Variants in SOCS5 observed in about 807,000 individuals in gnomAD.
The protein encoded by SOCS5 is suppressor of cytokine signaling 5.
Under a neutral mutation model 42.8 loss-of-function variants are expected in SOCS5, and 32 were observed. That is an observed-to-expected ratio of 0.75 (90% confidence interval 0.56 to 1.01). SOCS5 has a LOEUF of 1.01. SOCS5 is among the 50% of genes least tolerant of loss of function. The pLI is 0.00. For missense variants in SOCS5, 627 were observed against 653.0 expected (o/e 0.96, Z 0.43); for synonymous variants, 283 against 229.6 (o/e 1.23, Z -2.10).
intron 1 of SOCS5, among the ~76,000 whole-genome samples, chr2:46,710,405 A>G (rs535657291): frequency 7.3e-4 from 111 of 152,312 alleles, no homozygotes; most frequent in Admixed American, 1.5e-3. Flanking sequence ...TCAGCCTCCC[A>G]AAGTGTTGGG....
chr2:46,752,182 T>C (rs1044758819), intron 1 of SOCS5, among the ~76,000 whole-genome samples: 1 of 150,758 alleles, frequency 6.6e-6, no homozygotes, highest in Non-Finnish European at 1.5e-5. Context: ...TTTTTTTTTT[T>C]CGGCGAGTAT....
intron 1 of SOCS5, among the ~76,000 whole-genome samples, chr2:46,738,472 A>G (rs866380003): frequency 1.3e-5 from 2 of 152,222 alleles, no homozygotes; most frequent in Admixed American, 6.5e-5. Context: ...AATCCTGGTA[A>G]ATAACATTTC....
At chr2:46,744,827 T>C (rs6727934) in intron 1 of SOCS5, among the ~76,000 whole-genome samples, 111,196 of 151,290 alleles carry the variant, frequency 0.73, 41,777 homozygotes, top group African/African-American at 0.88. Context: ...CGCGCCCGGC[T>C]GTAATCGAGA....
chr2:46,726,464 A>G (rs150120169), intron 1 of SOCS5, among the ~76,000 whole-genome samples: 2,214 of 152,234 alleles, frequency 0.015, 32 homozygotes, highest in Non-Finnish European at 0.019. Context: ...ATCTTTTACT[A>G]ACTTTGTTAA....
At chr2:46,730,528 A>G (rs1334363542) in intron 1 of SOCS5, among the ~76,000 whole-genome samples, 1 of 152,160 alleles carries the variant, frequency 6.6e-6, no homozygotes, top group Non-Finnish European at 1.5e-5. Flanking sequence ...TGAACTCAGG[A>G]GGCGGAGGTT....
rs1438600537 is a variant in SOCS5 at position 46,760,087 on chromosome 2, T to C, written c.1557T>C (p.Tyr519=). The C allele has an allele frequency of 1.4e-5, 22 of 1,613,918 alleles. No homozygotes were observed. Among genetic ancestry groups the C allele is most frequent in the Non-Finnish European group, 1.9e-5 (22 of 1,179,932 alleles). The change falls in exon 2 of 2, where the codon TAT becomes TAC. Residue 519 remains tyrosine, a synonymous_variant. Transcript: ENST00000394861. The part of the protein sequence containing the change: ...MLQDFLKEYH[Y]KQKVRVRWLE... ...AGGATTTTTTAAAAGAGTATCATTA[T>C]AAACAAAAAGTTAGAGTTCGCTGGT...
At chr2:46,701,699 T>C (rs1246417656) in intron 1 of SOCS5, among the ~76,000 whole-genome samples, 2 of 151,202 alleles carry the variant, frequency 1.3e-5, no homozygotes, top group Admixed American at 6.6e-5. Context: ...TAAAACAATA[T>C]GCTGCATTGT....
chr2:46,731,536 G>A (rs1257686770), intron 1 of SOCS5, among the ~76,000 whole-genome samples: 2 of 152,212 alleles, frequency 1.3e-5, no homozygotes, highest in Non-Finnish European at 2.9e-5. Context: ...GAAATAAACA[G>A]GAAAGGACTT....
chr2:46,737,484 T>G (rs1286604572), intron 1 of SOCS5, among the ~76,000 whole-genome samples: 1 of 152,202 alleles, frequency 6.6e-6, no homozygotes, highest in Non-Finnish European at 1.5e-5. Flanking sequence ...TGATAACTGA[T>G]TATTATTAGT....
intron 1 of SOCS5, among the ~76,000 whole-genome samples, chr2:46,742,034 C>T (rs1293850059): frequency 3.9e-5 from 6 of 152,132 alleles, no homozygotes; most frequent in Non-Finnish European, 8.8e-5. Context: ...TTTCTCAATA[C>T]CCATGCTAGA....
intron 1 of SOCS5, among the ~76,000 whole-genome samples, chr2:46,737,247 A>C (rs1673274803): frequency 6.6e-6 from 1 of 152,212 alleles, no homozygotes; most frequent in South Asian, 2.1e-4. Context: ...GAGTCTCTTA[A>C]TTATTTGGTG....
At chr2:46,729,776 A>C (rs1673074530) in intron 1 of SOCS5, among the ~76,000 whole-genome samples, 1 of 152,190 alleles carries the variant, frequency 6.6e-6, no homozygotes, top group Non-Finnish European at 1.5e-5. Context: ...AAATTTACTT[A>C]AAAATCTCTT....
rs1481853944 is a variant in SOCS5 at position 46,699,489 on chromosome 2, C to T, written c.-13+40C>T. On this transcript the variant is annotated intron_variant, in intron 1 of 1. Transcript: ENST00000394861. This position sits in a 1 kb window ranked among gnomAD's most constrained non-coding sequence, Gnocchi z 4.8. Reference sequence around the variant, plus strand: ...GGTCGCGCCCGGCCCGCCGCCTGCTCCCCGGCCCCCGCGCCGTCGTCCGCG... The same window carrying T: ...GGTCGCGCCCGGCCCGCCGCCTGCTTCCCGGCCCCCGCGCCGTCGTCCGCG... The T allele has an allele frequency of 2.6e-5, 4 of 151,760 alleles. No individual in the cohort carries two copies. The highest frequency in any genetic ancestry group is 5.9e-5 in the Non-Finnish European group (4 of 67,768). 9.4% of individuals were successfully genotyped at this position (151,760 alleles called of 1,614,324 possible). A position where few individuals can be genotyped will look rare whatever the true frequency, so the allele number is the denominator to read the frequency against.
chr2:46,757,222 G>A (rs1241651202), intron 1 of SOCS5, among the ~76,000 whole-genome samples: 5 of 152,046 alleles, frequency 3.3e-5, no homozygotes, highest in Admixed American at 1.3e-4. Flanking sequence ...AAATATAAGC[G>A]TTTATGACAA....
intron 1 of SOCS5, among the ~76,000 whole-genome samples, chr2:46,755,670 A>T (rs1673716604): frequency 6.6e-6 from 1 of 152,234 alleles, no homozygotes; most frequent in East Asian, 1.9e-4. Flanking sequence ...TGCAATTGAA[A>T]TTTAACGCTT....
intron 1 of SOCS5, among the ~76,000 whole-genome samples, chr2:46,743,054 A>T (rs1673413405): frequency 6.6e-6 from 1 of 152,150 alleles, no homozygotes; most frequent in African/African-American, 2.4e-5. Context: ...GAGATTACTC[A>T]ATTTTAGGCC....
intron 1 of SOCS5, among the ~76,000 whole-genome samples, chr2:46,704,639 G>A (rs1263677185): frequency 6.6e-6 from 1 of 152,156 alleles, no homozygotes; most frequent in African/African-American, 2.4e-5. Context: ...GCTCAACACA[G>A]GTCTTGTAAG....
At position 46,704,357 on chromosome 2, in the gene SOCS5, A is replaced by G. The variant is rs7572275; in HGVS notation, c.-13+4908A>G. ...GGGTGGAAGCTTATTTAAATAATAG[A>G]TATAGGGAAAATGGAACAATGAGAA... On this transcript the variant is annotated intron_variant, in intron 1 of 1. Transcript: ENST00000394861. 1.9e-3 allele frequency among the ~76,000 whole-genome samples: 291 copies of G among 152,322 alleles called. 1 individual carries two copies. The highest frequency in any genetic ancestry group is 6.8e-3 in the African/African-American group (283 of 41,560).
chr2:46,759,045 T>C lies in SOCS5; in HGVS notation c.515T>C (p.Val172Ala), dbSNP rs1276097159. ...ATGGACAGTGTTTCCAGCAGAACTG[T>C]AGGAAGTCGCTCTCTAAGACAGAGG... ...HDMDSVSSRTVGSRSLRQRLQ... is the reference protein window; with the variant it reads ...HDMDSVSSRTAGSRSLRQRLQ... The change falls in exon 2 of 2, where the codon GTA becomes GCA. Residue 172 changes from valine (V) to alanine (A), a missense_variant. Physicochemically the swap from Val to Ala is moderately conservative, Grantham distance 64. Around this residue, in one of 3 missense-constraint regions of SOCS5, gnomAD observed 278 missense variants for 246.3 expected, o/e 1.13. Transcript: ENST00000394861. 1 of 1,613,964 alleles carries C rather than the reference T, an allele frequency of 6.2e-7. No individual in the cohort carries two copies. The highest frequency in any genetic ancestry group is 1.3e-5 in the African/African-American group (1 of 75,042).
Sources: gnomAD v4.1 joint callset for allele counts (sites outside exome capture counted in the v4.1 genomes callset) on GRCh38, gnomAD v4.1.1 for gene constraint, gnomAD v4.1.1 regional missense constraint, Gnocchi (gnomAD v3.1) non-coding constraint, MANE v1.5 for transcripts, NCBI Gene and HGNC (gene_info 2026-07-23, HGNC 2026-07-21) for gene names.